Variants in FKBP5 observed in about 807,000 individuals in gnomAD.
The protein encoded by FKBP5 is peptidyl-prolyl cis-trans isomerase FKBP5.
In FKBP5, 23 loss-of-function variants were observed where a neutral mutation model predicts 50.5. The ratio of observed to expected loss-of-function variants is 0.46; its 90% confidence interval spans 0.33 to 0.65. FKBP5 has a LOEUF of 0.65. Ranked by LOEUF, FKBP5 falls within the 30% of genes least tolerant of loss-of-function variation. FKBP5 has a pLI of 0.02. For synonymous variants in FKBP5, 176 were observed against 190.6 expected (o/e 0.92, Z 0.63); for missense variants, 411 against 553.1 (o/e 0.74, Z 2.58).
intron 1 of FKBP5, among the ~76,000 whole-genome samples, chr6:35,681,624 G>GA (rs36070205): frequency 6.6e-6 from 1 of 152,088 alleles, no homozygotes; most frequent in Admixed American, 6.6e-5. Context: ...TTCCTACTGT[G>GA]AAAAAAGCTG....
rs549796311 is a variant in FKBP5, at chr6:35,582,635, C to G, written c.841-2414G>C. ...CAGAAGTAAATTCCTGTTGTTGAAGCCACCCAGTGTATGGTATTTTACTGT... is the reference window on the plus strand; with the variant it reads ...CAGAAGTAAATTCCTGTTGTTGAAGGCACCCAGTGTATGGTATTTTACTGT... On this transcript the variant is annotated intron_variant, in intron 8 of 10. Transcript: ENST00000357266. 53 of 980,894 alleles carry G rather than the reference C, an allele frequency of 5.4e-5. No individual in the cohort carries two copies. In the African/African-American group the frequency reaches 8.0e-4, roughly 15 times the overall value. 60.8% of individuals were successfully genotyped at this position (980,894 alleles called of 1,614,324 possible).
chr6:35,651,387 T>C (rs1320459907), intron 1 of FKBP5, among the ~76,000 whole-genome samples: 1 of 152,186 alleles, frequency 6.6e-6, no homozygotes, highest in African/African-American at 2.4e-5. Flanking sequence ...TCAATTTAAT[T>C]CGAACATTTC....
chr6:35,724,371 C>T lies in FKBP5; in HGVS notation c.-240-3823G>A, dbSNP rs116697869. ...GTCCAACTCCACTGCTGAGACTGTC[C>T]TCTGGGGCCTTGCTAGTATCCAGAT... On this transcript the variant is annotated intron_variant, in intron 1 of 11. Coordinates refer to the FKBP5 transcript ENST00000536438. 6.9e-3 allele frequency among the ~76,000 whole-genome samples: 1,044 copies of T among 152,260 alleles called. 8 individuals are homozygous for T. Among genetic ancestry groups the T allele is most frequent in the African/African-American group, 0.022 (905 of 41,550 alleles).
At position 35,573,849 on chromosome 6, in the gene FKBP5, T is replaced by C. The variant is rs1457672922; in HGVS notation, c.*1986A>G. On this transcript the variant is annotated 3_prime_UTR_variant, in exon 11 of 11. Coordinates refer to ENST00000357266, the MANE Select transcript of FKBP5 (RefSeq NM_004117.4). Reference sequence around the variant, plus strand: ...TTTGCTCAGAACCACTCACACACCCTTCCCCTCCCCACACACACTTTTGCC... The same window carrying C: ...TTTGCTCAGAACCACTCACACACCCCTCCCCTCCCCACACACACTTTTGCC... 1 of 152,172 alleles carries C rather than the reference T, an allele frequency of 6.6e-6. No homozygotes were observed. Among genetic ancestry groups the C allele is most frequent in the African/African-American group, 2.4e-5 (1 of 41,448 alleles). 9.4% of individuals were successfully genotyped at this position (152,172 alleles called of 1,614,324 possible). A position where few individuals can be genotyped will look rare whatever the true frequency, so the allele number is the denominator to read the frequency against.
At chr6:35,654,196 G>C (rs950218279) in intron 1 of FKBP5, among the ~76,000 whole-genome samples, 2 of 152,022 alleles carry the variant, frequency 1.3e-5, no homozygotes, top group Admixed American at 6.6e-5. Flanking sequence ...GATTTTGGTG[G>C]GTACAATCAT....
rs1338473892 is a variant in FKBP5 at position 35,589,105 on chromosome 6, TA to T, written c.757-1989del. On this transcript the variant is annotated intron_variant, in intron 7 of 10. Coordinates refer to ENST00000357266, the MANE Select transcript of FKBP5 (RefSeq NM_004117.4). ...ATATATATATTTTTATATATATATA[TA>T]TTTTTATATATATATATATATATTT... Among the ~76,000 whole-genome samples the T allele has an allele frequency of 7.0e-3, 896 of 128,142 alleles. 19 individuals carry two copies. Among genetic ancestry groups the T allele is most frequent in the African/African-American group, 0.021 (687 of 32,660 alleles). The allele number at this position is 128,142 out of a possible 152,430, so 84.1% of individuals were successfully genotyped here. A position where few individuals can be genotyped will look rare whatever the true frequency, so the allele number is the denominator to read the frequency against.
chr6:35,693,308 GC>G (rs1220912356), upstream of FKBP5, among the ~76,000 whole-genome samples: 2 of 150,338 alleles, frequency 1.3e-5, no homozygotes, highest in Admixed American at 6.7e-5. Flanking sequence ...GACTACAGGT[GC>G]CCGCCACCAC....
chr6:35,648,337 A>C (rs1764687956), intron 1 of FKBP5, among the ~76,000 whole-genome samples: 1 of 152,022 alleles, frequency 6.6e-6, no homozygotes, highest in Non-Finnish European at 1.5e-5. Flanking sequence ...TGGTACCGTC[A>C]TAGCTCACTG....
chr6:35,589,111 TA>T (rs1187655878), intron 7 of FKBP5, among the ~76,000 whole-genome samples: 5 of 97,636 alleles, frequency 5.1e-5, no homozygotes, highest in South Asian at 2.8e-4. Context: ...TATATATTTT[TA>T]TATATATATA....
At chr6:35,649,433 GT>G (rs11414221) in intron 1 of FKBP5, among the ~76,000 whole-genome samples, 9 of 147,468 alleles carry the variant, frequency 6.1e-5, no homozygotes, top group African/African-American at 9.9e-5. Flanking sequence ...TGGCTAAAAG[GT>G]TTTTTTTTTT....
chr6:35,610,503 G>A (rs1269625537), intron 5 of FKBP5, among the ~76,000 whole-genome samples: 1 of 126,602 alleles, frequency 7.9e-6, no homozygotes, highest in Admixed American at 1.0e-4. Context: ...GAGAGGCGGA[G>A]CTTGCAGTGA....
At chr6:35,720,315 A>T (rs531885997) in intron 2 of FKBP5, 1 of 152,644 alleles carries the variant, frequency 6.6e-6, no homozygotes, top group South Asian at 2.1e-4. Flanking sequence ...CACGTACTCC[A>T]TGGGGTCCCT....
intron 5 of FKBP5, 149 bp from the exon 6 acceptor site, chr6:35,597,553 G>T: frequency 1.1e-6 from 1 of 899,776 alleles, no homozygotes; most frequent in Non-Finnish European, 1.6e-6. Flanking sequence ...TCTTGGTGAA[G>T]CTTAGTCTAC....
intron 1 of FKBP5, among the ~76,000 whole-genome samples, chr6:35,678,809 C>T (rs754401933): frequency 1.3e-5 from 2 of 152,216 alleles, no homozygotes; most frequent in African/African-American, 2.4e-5. Context: ...TGGCTGGACA[C>T]AGTGGCTCAT....
intron 8 of FKBP5, chr6:35,584,583 C>T (rs2150954923): frequency 1.0e-6 from 1 of 985,448 alleles, no homozygotes; most frequent in Non-Finnish European, 1.2e-6. Flanking sequence ...AGGAAACTAT[C>T]TACTAACCAT....
chr6:35,641,747 G>A (rs975628129), intron 2 of FKBP5, among the ~76,000 whole-genome samples: 1 of 152,060 alleles, frequency 6.6e-6, no homozygotes, highest in Non-Finnish European at 1.5e-5. Flanking sequence ...GCTCATGCCT[G>A]TAATCCCAAC....
At chr6:35,725,848 G>A (rs533954671) in intron 1 of FKBP5, among the ~76,000 whole-genome samples, 1 of 152,160 alleles carries the variant, frequency 6.6e-6, no homozygotes, top group Non-Finnish European at 1.5e-5. Context: ...AAATGGGGAG[G>A]GAAGAGAGCA....
intron 5 of FKBP5, among the ~76,000 whole-genome samples, chr6:35,604,289 G>A (rs1193803463): frequency 2.0e-5 from 3 of 152,120 alleles, no homozygotes; most frequent in Admixed American, 1.3e-4. Flanking sequence ...GATTACAAGC[G>A]TGAGCCACCA....
chr6:35,653,269 A>C (rs1024347002), intron 1 of FKBP5, among the ~76,000 whole-genome samples: 2 of 152,164 alleles, frequency 1.3e-5, no homozygotes, highest in East Asian at 3.8e-4. Flanking sequence ...CTGAGGCAAA[A>C]GGATTGAGCT....
Sources: allele counts gnomAD v4.1 joint callset (sites outside exome capture counted in the v4.1 genomes callset), GRCh38; gene constraint gnomAD v4.1.1; transcripts MANE v1.5; gene names NCBI Gene and HGNC (gene_info 2026-07-23, HGNC 2026-07-21).